Variants in DNAJC1 observed in about 807,000 individuals in gnomAD.
DNAJC1 encodes DnaJ heat shock protein family (Hsp40) member C1.
A neutral mutation model predicts 76.6 loss-of-function variants in DNAJC1; 58 were observed. The observed-to-expected ratio is 0.76, with a 90% CI of 0.61 to 0.94. The LOEUF (loss-of-function observed/expected upper bound fraction) is 0.94, where lower values mean the gene tolerates loss of function less well. Among genes scored for constraint, DNAJC1 ranks in the 40% least tolerant of loss-of-function variants. The pLI is 0.00. For missense variants in DNAJC1, 689 were observed against 677.3 expected, an observed-to-expected ratio of 1.02 and a Z score of -0.19; for synonymous variants, 258 against 267.9, an observed-to-expected ratio of 0.96 and a Z score of 0.36.
chr10:21,770,334 T>C (rs1271813749), intron 9 of DNAJC1, among the ~76,000 whole-genome samples: 2 of 152,128 alleles, frequency 1.3e-5, no homozygotes. Flanking sequence ...ATATCCTGTA[T>C]CCATTGCTTA....
chr10:21,852,953 T>C (rs1835779949), intron 8 of DNAJC1, among the ~76,000 whole-genome samples: 1 of 152,170 alleles, frequency 6.6e-6, no homozygotes, highest in Admixed American at 6.5e-5. Context: ...TTTCAGCAAG[T>C]CTGAATTTTA....
At chr10:21,849,417 A>G (rs183309406) in intron 8 of DNAJC1, among the ~76,000 whole-genome samples, 1 of 151,986 alleles carries the variant, frequency 6.6e-6, no homozygotes, top group Non-Finnish European at 1.5e-5. Flanking sequence ...AAGCTAGCAA[A>G]AGGAAGGAAA....
intron 6 of DNAJC1, among the ~76,000 whole-genome samples, chr10:21,905,768 A>C (rs1448463988): frequency 6.6e-6 from 1 of 152,164 alleles, no homozygotes; most frequent in Non-Finnish European, 1.5e-5. Context: ...TATGTGAGAA[A>C]CCTAATAAAG....
At chr10:21,991,849 G>C (rs1019040547) in intron 1 of DNAJC1, among the ~76,000 whole-genome samples, 5 of 152,084 alleles carry the variant, frequency 3.3e-5, no homozygotes, top group African/African-American at 1.2e-4. Context: ...ATAACGATTT[G>C]GGTACGTGAA....
chr10:21,975,608 A>G (rs1838048710), intron 1 of DNAJC1, among the ~76,000 whole-genome samples: 1 of 152,216 alleles, frequency 6.6e-6, no homozygotes, highest in African/African-American at 2.4e-5. Context: ...AAGGCCAATT[A>G]ACCCTTTCAC....
chr10:21,800,054 G>A (rs1449474565), intron 9 of DNAJC1, among the ~76,000 whole-genome samples: 2 of 151,994 alleles, frequency 1.3e-5, no homozygotes, highest in Non-Finnish European at 1.5e-5. Context: ...CCTTGATTTT[G>A]AGAGACTCTT....
At position 22,003,568 on chromosome 10, in the gene DNAJC1, A is replaced by G. The variant is rs1341845892; in HGVS notation, c.-134T>C. The G allele has an allele frequency of 9.0e-7, 1 of 1,110,118 alleles. No homozygotes were observed. 68.8% of individuals were successfully genotyped at this position (1,110,118 alleles called of 1,614,324 possible). On this transcript the variant is annotated 5_prime_UTR_variant, in exon 1 of 12. Transcript: ENST00000376980. ...GGCAGGCGCACCGGAGCGGCCCGCCAGGTGGCTGGCCCCAGACAGAGCGCG... is the reference window on the plus strand; with the variant it reads ...GGCAGGCGCACCGGAGCGGCCCGCCGGGTGGCTGGCCCCAGACAGAGCGCG...
chr10:21,829,300 G>A (rs940077954), intron 8 of DNAJC1, among the ~76,000 whole-genome samples: 4 of 151,738 alleles, frequency 2.6e-5, no homozygotes, highest in African/African-American at 9.7e-5. Flanking sequence ...CTGCAGCTCC[G>A]CCTCCCGGGT....
At chr10:21,763,955 CATAAGTCGGAAT>C (rs1430720850) in intron 10 of DNAJC1, among the ~76,000 whole-genome samples, 4 of 152,140 alleles carry the variant, frequency 2.6e-5, no homozygotes, top group Admixed American at 2.6e-4. Flanking sequence ...AGGGTGCTGG[CATAAGTCGGAAT>C]ATCAAAGATG....
At chr10:21,881,644 C>T (rs914708293) in intron 8 of DNAJC1, among the ~76,000 whole-genome samples, 5 of 151,894 alleles carry the variant, frequency 3.3e-5, no homozygotes, top group East Asian at 1.9e-4. Context: ...GTGCACTTCA[C>T]GGTACCCCAA....
intron 1 of DNAJC1, among the ~76,000 whole-genome samples, chr10:21,987,670 A>G (rs1838268327): frequency 6.6e-6 from 1 of 152,228 alleles, no homozygotes; most frequent in Non-Finnish European, 1.5e-5. Context: ...ATTATAGGTT[A>G]AAGCCTTCAA....
At chr10:21,811,427 A>G (rs1176373897) in intron 8 of DNAJC1, among the ~76,000 whole-genome samples, 1 of 152,166 alleles carries the variant, frequency 6.6e-6, no homozygotes, top group African/African-American at 2.4e-5. Context: ...AATCTGTCCA[A>G]ATTGCAAAAC....
At chr10:21,982,748 T>G (rs1329707769) in intron 1 of DNAJC1, among the ~76,000 whole-genome samples, 2 of 151,076 alleles carry the variant, frequency 1.3e-5, no homozygotes, top group Non-Finnish European at 2.9e-5. Flanking sequence ...AACTAAGTAC[T>G]GACGAGGATG....
At chr10:21,840,473 G>C (rs1197492592) in intron 8 of DNAJC1, among the ~76,000 whole-genome samples, 1 of 152,094 alleles carries the variant, frequency 6.6e-6, no homozygotes, top group Non-Finnish European at 1.5e-5. Context: ...CAAACACAGA[G>C]CCAAATCATG....
intron 9 of DNAJC1, among the ~76,000 whole-genome samples, chr10:21,801,405 G>A (rs557078671): frequency 6.6e-6 from 1 of 152,278 alleles, no homozygotes; most frequent in African/African-American, 2.4e-5. Flanking sequence ...CTGATCATTA[G>A]AGAAATGCAA....
At chr10:21,850,044 G>A (rs1184477484) in intron 8 of DNAJC1, among the ~76,000 whole-genome samples, 1 of 152,102 alleles carries the variant, frequency 6.6e-6, no homozygotes, top group Admixed American at 6.6e-5. Context: ...AAACTTTCCC[G>A]TTGAGATCAG....
intron 1 of DNAJC1, among the ~76,000 whole-genome samples, chr10:21,939,692 C>G (rs1330230737): frequency 6.6e-6 from 1 of 152,080 alleles, no homozygotes; most frequent in African/African-American, 2.4e-5. Context: ...TGAAAGTGCA[C>G]TCCATGATGC....
At chr10:21,992,289 C>T (rs546411080) in intron 1 of DNAJC1, among the ~76,000 whole-genome samples, 18 of 152,182 alleles carry the variant, frequency 1.2e-4, no homozygotes, top group African/African-American at 3.9e-4. Context: ...CCAGCCTGGG[C>T]GACAGAACGA....
intron 3 of DNAJC1, among the ~76,000 whole-genome samples, chr10:21,927,334 T>C (rs1027380806): frequency 2.6e-5 from 4 of 152,200 alleles, no homozygotes; most frequent in African/African-American, 9.7e-5. Flanking sequence ...CATTTTAGGA[T>C]ACAGACTAAT....
Sources: gnomAD v4.1 joint callset for allele counts (sites outside exome capture counted in the v4.1 genomes callset) on GRCh38, gnomAD v4.1.1 for gene constraint, MANE v1.5 for transcripts, NCBI Gene and HGNC (gene_info 2026-07-23, HGNC 2026-07-21) for gene names.